Variants in ZNF627 observed in about 807,000 individuals in gnomAD.
ZNF627 encodes zinc finger protein 627.
ZNF627 carries 12 observed loss-of-function variants against 10.6 expected under a neutral mutation model. The ratio of observed to expected loss-of-function variants is 1.13; its 90% CI spans 0.73 to 1.84. The LOEUF is 1.84. ZNF627 is among the 40% of genes most tolerant of loss of function. The pLI is 0.00. For missense variants in ZNF627, 504 were observed against 568.4 expected (o/e 0.89, Z 1.15); for synonymous variants, 176 against 187.1 (o/e 0.94, Z 0.48).
intron 1 of ZNF627, among the ~76,000 whole-genome samples, chr19:11,598,385 G>A (rs1041738668): frequency 3.3e-5 from 5 of 151,954 alleles, no homozygotes; most frequent in Admixed American, 3.3e-4. Flanking sequence ...TTTTTTAAAT[G>A]AACATATTCA....
At chr19:11,605,363 G>C (rs1973657164) in intron 1 of ZNF627, among the ~76,000 whole-genome samples, 1 of 151,854 alleles carries the variant, frequency 6.6e-6, no homozygotes, top group Non-Finnish European at 1.5e-5. Flanking sequence ...TTTTTCCCAG[G>C]GCTCTGTATT....
chr19:11,610,943 C>G (rs1973762846), intron 1 of ZNF627, among the ~76,000 whole-genome samples: 1 of 152,030 alleles, frequency 6.6e-6, no homozygotes, highest in African/African-American at 2.4e-5. Context: ...ACCTCCACCT[C>G]CTGGGTTCAA....
intron 1 of ZNF627, among the ~76,000 whole-genome samples, chr19:11,611,196 T>C (rs778554781): frequency 5.3e-5 from 8 of 152,182 alleles, no homozygotes; most frequent in Non-Finnish European, 1.2e-4. Context: ...TTTGGAGTGG[T>C]TGATTTTTAT....
chr19:11,599,195 C>A (rs1156427052), intron 1 of ZNF627, among the ~76,000 whole-genome samples: 1 of 152,150 alleles, frequency 6.6e-6, no homozygotes, highest in African/African-American at 2.4e-5. Context: ...AGCCTGCTCC[C>A]ACTGGACAGC....
At position 11,617,233 on chromosome 19, in the gene ZNF627, A is replaced by T. The variant is rs1245249359; in HGVS notation, c.730A>T (p.Thr244Ser). ...CAGTTACATTAGAATACATGAAAGG[A>T]CTCACACTGGAGATAAACCCTATGA... ...CSSYIRIHER[T>S]HTGDKPYECK... The change falls in exon 4 of 4, where the codon ACT (threonine) becomes TCT (serine). Residue 244 changes from threonine (T) to serine (S), a missense_variant. Coordinates refer to ENST00000361113, the MANE Select transcript of ZNF627 (RefSeq NM_145295.4). The T allele has an allele frequency of 6.2e-7, 1 of 1,613,682 alleles. No homozygotes were observed. Among genetic ancestry groups the T allele is most frequent in the Non-Finnish European group, 8.5e-7 (1 of 1,179,962 alleles).
chr19:11,613,530 A>T (rs1352099631), intron 1 of ZNF627, among the ~76,000 whole-genome samples: 1 of 151,734 alleles, frequency 6.6e-6, no homozygotes, highest in African/African-American at 2.4e-5. Flanking sequence ...ATTAAAAAAA[A>T]TATTTAGTAG....
intron 1 of ZNF627, among the ~76,000 whole-genome samples, chr19:11,606,634 C>T (rs1973680127): frequency 6.6e-6 from 1 of 152,204 alleles, no homozygotes; most frequent in South Asian, 2.1e-4. Flanking sequence ...TGTGGGGGCT[C>T]CAGTTCCCAC....
chr19:11,597,752 C>T (rs541147506), intron 1 of ZNF627, 122 bp downstream of exon 1: 14 of 1,109,006 alleles, frequency 1.3e-5, no homozygotes, highest in Admixed American at 4.1e-5. Context: ...ACCCGAGTTC[C>T]CTCGGCCGCA....
chr19:11,607,240 G>A (rs1204781429), intron 1 of ZNF627, among the ~76,000 whole-genome samples: 4 of 152,038 alleles, frequency 2.6e-5, no homozygotes, highest in African/African-American at 7.2e-5. Flanking sequence ...AGGATCAAGC[G>A]ATTCTCCTGC....
At position 11,617,308 on chromosome 19, in the gene ZNF627, C is replaced by T; in HGVS notation, c.805C>T (p.His269Tyr). ...CAGTTGTTCCAAGTACATTCGAATCCATGAACGAACTCACACAGGAGAGAA... is the reference window on the plus strand; with the variant it reads ...CAGTTGTTCCAAGTACATTCGAATCTATGAACGAACTCACACAGGAGAGAA... ...AFSCSKYIRI[H>Y]ERTHTGEKPY... The change falls in exon 4 of 4, where the codon CAT (histidine) becomes TAT (tyrosine). Residue 269 changes from histidine to tyrosine, a missense_variant. By Grantham distance (83) the His-to-Tyr change is moderately conservative. Coordinates refer to ENST00000361113, the MANE Select transcript of ZNF627 (RefSeq NM_145295.4). 6.2e-7 allele frequency: 1 copy of T among 1,613,916 alleles called. No homozygotes were observed. The highest frequency in any genetic ancestry group is 1.3e-5 in the African/African-American group (1 of 74,970).
chr19:11,611,928 G>A (rs1973777155), intron 1 of ZNF627, among the ~76,000 whole-genome samples: 1 of 151,964 alleles, frequency 6.6e-6, no homozygotes, highest in African/African-American at 2.4e-5. Flanking sequence ...TGATTATGTG[G>A]CACTTAGCAT....
chr19:11,608,136 T>C (rs1309615650), intron 1 of ZNF627, among the ~76,000 whole-genome samples: 1 of 151,672 alleles, frequency 6.6e-6, no homozygotes, highest in Non-Finnish European at 1.5e-5. Flanking sequence ...GAGCGAAGAG[T>C]GGCAAAAGCC....
chr19:11,597,697 C>T, intron 1 of ZNF627, 67 bp downstream of exon 1: 4 of 1,321,636 alleles, frequency 3.0e-6, no homozygotes, highest in East Asian at 2.8e-5. Flanking sequence ...CCGGAACCGG[C>T]TGTGGAGGGA....
At chr19:11,605,056 C>A (rs1397582123) in intron 1 of ZNF627, among the ~76,000 whole-genome samples, 2 of 148,000 alleles carry the variant, frequency 1.4e-5, no homozygotes, top group African/African-American at 5.0e-5. Context: ...CTTGAGACCT[C>A]TTCAGCCTAG....
intron 1 of ZNF627, 138 bp downstream of exon 1, chr19:11,597,768 G>T (rs1973515913): frequency 1.0e-6 from 1 of 967,956 alleles, no homozygotes; most frequent in East Asian, 3.2e-5. Context: ...CCGCAAGGTG[G>T]GGCTGGGCCA....
At chr19:11,604,866 A>C (rs1286622364) in intron 1 of ZNF627, among the ~76,000 whole-genome samples, 1 of 152,090 alleles carries the variant, frequency 6.6e-6, no homozygotes, top group Non-Finnish European at 1.5e-5. Flanking sequence ...AGAGAATGGA[A>C]CTTGGTTGGG....
chr19:11,597,802 G>A (rs1973516984), intron 1 of ZNF627, among the ~76,000 whole-genome samples, 172 bp downstream of exon 1: 1 of 152,212 alleles, frequency 6.6e-6, no homozygotes, highest in Non-Finnish European at 1.5e-5. Context: ...CGGTCGTCCT[G>A]TCCCGTCCCT....
intron 1 of ZNF627, among the ~76,000 whole-genome samples, chr19:11,612,729 A>C (rs1456314600): frequency 6.7e-6 from 1 of 150,330 alleles, no homozygotes; most frequent in African/African-American, 2.4e-5. Flanking sequence ...CCTCAACTGC[A>C]TTTTTTCACA....
intron 1 of ZNF627, among the ~76,000 whole-genome samples, chr19:11,599,311 C>T (rs1973545055): frequency 6.6e-6 from 1 of 152,166 alleles, no homozygotes; most frequent in Non-Finnish European, 1.5e-5. Flanking sequence ...GGACACTCAG[C>T]TTTTCTTCCC....
Sources: allele counts gnomAD v4.1 joint callset (sites outside exome capture counted in the v4.1 genomes callset), GRCh38; gene constraint gnomAD v4.1.1; transcripts MANE v1.5; gene names NCBI Gene and HGNC (gene_info 2026-07-23, HGNC 2026-07-21).